Variants in KMT2E observed in about 807,000 individuals in gnomAD.
KMT2E encodes the protein histone reader KMT2E.
KMT2E carries 30 observed loss-of-function variants against 184.6 expected under a neutral mutation model. That is an observed-to-expected ratio of 0.16 (90% CI 0.12 to 0.22). KMT2E has a LOEUF of 0.22. Ranked by LOEUF, KMT2E falls within the 10% of genes least tolerant of loss-of-function variation. The probability of loss-of-function intolerance (pLI) is 1.00; values close to 1 mark genes in which losing one functional copy is unlikely to be tolerated. For synonymous variants in KMT2E, 815 were observed against 776.5 expected, an observed-to-expected ratio of 1.05 and a Z score of -0.82; for missense variants, 2,023 against 2,237.4, an observed-to-expected ratio of 0.90 and a Z score of 1.93.
intron 15 of KMT2E, among the ~76,000 whole-genome samples, chr7:105,095,858 A>G (rs565345676): frequency 6.6e-6 from 1 of 152,290 alleles, no homozygotes; most frequent in Admixed American, 6.5e-5. Flanking sequence ...TAATCTTCTC[A>G]TATAAACAGT....
chr7:105,087,220 AT>A (rs1166604355), intron 13 of KMT2E, among the ~76,000 whole-genome samples: 1 of 145,910 alleles, frequency 6.9e-6, no homozygotes, highest in Non-Finnish European at 1.5e-5. Context: ...TATAATATAT[AT>A]TATATAAGCA....
chr7:105,082,832 A>G (rs1338309987), intron 13 of KMT2E, among the ~76,000 whole-genome samples: 2 of 152,168 alleles, frequency 1.3e-5, no homozygotes, highest in Non-Finnish European at 2.9e-5. Context: ...AAAAGTAAAA[A>G]ATCAGTCTTG....
intron 3 of KMT2E, among the ~76,000 whole-genome samples, chr7:105,048,526 C>G (rs1443952433): frequency 6.6e-6 from 1 of 151,904 alleles, no homozygotes; most frequent in Non-Finnish European, 1.5e-5. Context: ...CTCAGTTTCT[C>G]CATACATTTT....
At chr7:105,076,649 T>TG (rs1448391464) in intron 9 of KMT2E, among the ~76,000 whole-genome samples, 1 of 152,212 alleles carries the variant, frequency 6.6e-6, no homozygotes, top group East Asian at 1.9e-4. Context: ...TAAGTTTGTC[T>TG]GGGGTCACAG....
chr7:105,079,123 C>T (rs1213973857), intron 12 of KMT2E, among the ~76,000 whole-genome samples, 160 bp downstream of exon 12: 3 of 151,014 alleles, frequency 2.0e-5, no homozygotes, highest in South Asian at 2.1e-4. Flanking sequence ...TATGTGATAA[C>T]TGGCTATGAA....
At chr7:105,037,869 A>ATTTTT (rs56778968) in intron 1 of KMT2E, among the ~76,000 whole-genome samples, 3 of 143,650 alleles carry the variant, frequency 2.1e-5, no homozygotes, top group Non-Finnish European at 4.6e-5. Context: ...TTTTTCAGTT[A>ATTTTT]AACATTTTTA....
chr7:105,088,405 C>T (rs918959104), intron 13 of KMT2E, among the ~76,000 whole-genome samples: 8 of 152,306 alleles, frequency 5.3e-5, no homozygotes, highest in Admixed American at 2.0e-4. Flanking sequence ...TGAATTCTCT[C>T]CCTGGTTCAC....
chr7:105,093,110 A>T (rs1422466194), intron 15 of KMT2E, among the ~76,000 whole-genome samples: 1 of 152,060 alleles, frequency 6.6e-6, no homozygotes, highest in African/African-American at 2.4e-5. Context: ...CGGGAGGATC[A>T]CTTGAGTCTA....
chr7:105,086,952 A>T (rs1797996471), intron 13 of KMT2E, among the ~76,000 whole-genome samples: 1 of 147,008 alleles, frequency 6.8e-6, no homozygotes, highest in Non-Finnish European at 1.5e-5. Flanking sequence ...ATAGTATGCT[A>T]TATGTAATAT....
At position 105,078,861 on chromosome 7, in the gene KMT2E, G is replaced by A; in HGVS notation, c.1146G>A (p.Val382=). 6.3e-7 allele frequency: 1 copy of A among 1,584,762 alleles called. No individual in the cohort carries two copies. The highest frequency in any genetic ancestry group is 1.7e-4 in the Middle Eastern group (1 of 6,000). Residue 382 remains valine (V), a synonymous_variant, in exon 12 of 27, where the codon GTG becomes GTA. Coordinates refer to ENST00000311117, the MANE Select transcript of KMT2E (RefSeq NM_182931.3). ...TTCTTTGTAGACCATACCCTTTTGTGTTATTCTACTCTAAATTTCATGGGC... is the reference window on the plus strand; with the variant it reads ...TTCTTTGTAGACCATACCCTTTTGTATTATTCTACTCTAAATTTCATGGGC... ...GYFFKRPYPF[V]LFYSKFHGLE... is the part of the protein sequence containing the mutation.
intron 11 of KMT2E, 26 bp downstream of exon 11, chr7:105,077,459 C>A: frequency 6.4e-7 from 1 of 1,566,014 alleles, no homozygotes; most frequent in South Asian, 1.2e-5. Context: ...TTCCCATGTT[C>A]ATTTTCTGTA....
intron 9 of KMT2E, 92 bp from the exon 10 acceptor site, chr7:105,076,871 T>TG (rs1187687262): frequency 3.4e-5 from 26 of 760,194 alleles, no homozygotes; most frequent in Middle Eastern, 2.4e-4. Flanking sequence ...TGCCGTTAAT[T>TG]TTGTGTGTGT....
intron 3 of KMT2E, among the ~76,000 whole-genome samples, chr7:105,048,413 T>A (rs532766165): frequency 4.6e-5 from 7 of 151,924 alleles, no homozygotes; most frequent in Admixed American, 2.0e-4. Context: ...TACTGAGTTT[T>A]AAAAAAAACC....
intron 13 of KMT2E, among the ~76,000 whole-genome samples, chr7:105,085,097 C>G (rs775046367): frequency 6.6e-6 from 1 of 150,524 alleles, no homozygotes; most frequent in African/African-American, 2.4e-5. Flanking sequence ...CAAATTGTTG[C>G]AATTGTTGCA....
chr7:105,049,626 C>A (rs768624239), intron 3 of KMT2E, among the ~76,000 whole-genome samples: 26 of 152,042 alleles, frequency 1.7e-4, no homozygotes, highest in Non-Finnish European at 3.1e-4. Context: ...CGCGGTGGCT[C>A]ACGCCTGTAA....
chr7:105,112,807 C>CCCCGG lies in KMT2E; in HGVS notation c.5051_5052insCCCGG (p.Gly1685ProfsTer29). 1 of 1,546,326 alleles carries CCCCGG rather than the reference C, an allele frequency of 6.5e-7. No individual in the cohort carries two copies. Among genetic ancestry groups the CCCCGG allele is most frequent in the Non-Finnish European group, 8.8e-7 (1 of 1,135,476 alleles). On this transcript the variant is annotated frameshift_variant, in exon 27 of 27. Coordinates refer to ENST00000311117, the MANE Select transcript of KMT2E (RefSeq NM_182931.3). LOFTEE classifies it high-confidence loss of function. Reference sequence around the variant, plus strand: ...CACTTACCCCCACCCCCACCCCCTCCTGGTCCTGCCCCTCATCACCATCCA... The same window carrying CCCCGG: ...CACTTACCCCCACCCCCACCCCCTCCCCCGGTGGTCCTGCCCCTCATCACCATCCA...
At chr7:105,106,471 T>G in intron 19 of KMT2E, 51 bp from the exon 20 acceptor site, 2 of 1,500,106 alleles carry the variant, frequency 1.3e-6, no homozygotes, top group Non-Finnish European at 1.9e-6. Context: ...CAAACAGATT[T>G]TAACAAATAG....
intron 8 of KMT2E, among the ~76,000 whole-genome samples, chr7:105,075,133 G>A (rs1797476121): frequency 1.3e-5 from 2 of 150,364 alleles, no homozygotes; most frequent in Admixed American, 6.6e-5. Flanking sequence ...TTGTCTGTCT[G>A]ACATAATCCA....
chr7:105,062,220 A>G lies in KMT2E; in HGVS notation c.128A>G (p.His43Arg), dbSNP rs975418647. 1.2e-6 allele frequency: 2 copies of G among 1,613,654 alleles called. No individual in the cohort carries two copies. The highest frequency in any genetic ancestry group is 2.7e-5 in the African/African-American group (2 of 75,006). The change falls in exon 4 of 27, where the codon CAC becomes CGC. Residue 43 changes from histidine to arginine, a missense_variant. His to Arg is a conservative substitution (Grantham distance 29, BLOSUM62 0). Around this residue, in one of 8 missense-constraint regions of KMT2E, gnomAD observed 63 missense variants for 68.9 expected, o/e 0.91. Transcript: ENST00000311117. ...GTTGAGAAATCCAACAGTTATCCCC[A>G]CCAGTTATATACCAGCAGCTCACAT... ...VVVEKSNSYP[H>R]QLYTSSSHHS...
Sources: gnomAD v4.1 joint callset for allele counts (sites outside exome capture counted in the v4.1 genomes callset) on GRCh38, gnomAD v4.1.1 for gene constraint, gnomAD v4.1.1 regional missense constraint, MANE v1.5 for transcripts, NCBI Gene and HGNC (gene_info 2026-07-23, HGNC 2026-07-21) for gene names.